The following NAV3 variants were observed in gnomAD, a reference collection of about 807,000 sequenced individuals.
The protein encoded by NAV3 is neuron navigator 3, also known as pore membrane and/or filament interacting like protein 1.
NAV3 carries 87 observed loss-of-function variants against 244.7 expected under a neutral mutation model. The ratio of observed to expected loss-of-function variants is 0.36; its 90% CI spans 0.30 to 0.42. NAV3 has a LOEUF of 0.42. Ranked by LOEUF, NAV3 falls within the 20% of genes least tolerant of loss-of-function variation. The pLI is 1.00. For synonymous variants in NAV3, 1,126 were observed against 1,042.2 expected, an observed-to-expected ratio of 1.08 and a Z score of -1.55; for missense variants, 2,663 against 2,893.3, an observed-to-expected ratio of 0.92 and a Z score of 1.83.
At chr12:78,145,820 G>T (rs1956841904) in intron 20 of NAV3, among the ~76,000 whole-genome samples, 1 of 152,112 alleles carries the variant, frequency 6.6e-6, no homozygotes. Flanking sequence ...ATTAAAGAAA[G>T]AAAAAGTAGA....
chr12:77,759,752 G>A (rs1437020832), intron 2 of NAV3, among the ~76,000 whole-genome samples: 1 of 135,192 alleles, frequency 7.4e-6, no homozygotes, highest in Non-Finnish European at 1.6e-5. Flanking sequence ...GGTGAAGACG[G>A]TCTGATTTTT....
chr12:77,937,993 C>T (rs1889487499), intron 1 of NAV3, among the ~76,000 whole-genome samples: 2 of 152,076 alleles, frequency 1.3e-5, no homozygotes, highest in South Asian at 4.1e-4. Context: ...CAAGAGGAAT[C>T]TGAAGGTTAA....
At chr12:78,050,685 G>T (rs2137240288) in intron 10 of NAV3, 79 bp from the exon 11 acceptor site, 1 of 1,450,248 alleles carries the variant, frequency 6.9e-7, no homozygotes, top group East Asian at 2.3e-5. Context: ...CTCAACTCCA[G>T]CCTTTTCTGT....
intron 2 of NAV3, among the ~76,000 whole-genome samples, chr12:77,682,854 T>C (rs1188404739): frequency 1.3e-5 from 2 of 152,156 alleles, no homozygotes; most frequent in African/African-American, 4.8e-5. Flanking sequence ...AATTGTATTA[T>C]TTGTTTTGTT....
At chr12:78,067,942 G>C (rs1885216892) in intron 12 of NAV3, among the ~76,000 whole-genome samples, 1 of 151,744 alleles carries the variant, frequency 6.6e-6, no homozygotes, top group Non-Finnish European at 1.5e-5. Context: ...TAAACATATT[G>C]AGAAGAAGAA....
intron 2 of NAV3, among the ~76,000 whole-genome samples, chr12:77,755,575 T>TCCC (rs1302437086): frequency 3.6e-5 from 1 of 27,820 alleles, no homozygotes. Flanking sequence ...TTCCTTTCCT[T>TCCC]TCCTTTCCTC....
At chr12:77,911,613 A>T (rs1325160666) in intron 1 of NAV3, among the ~76,000 whole-genome samples, 1 of 152,114 alleles carries the variant, frequency 6.6e-6, no homozygotes, top group Non-Finnish European at 1.5e-5. Context: ...TTAATTTTTT[A>T]ACTTAAAAAT....
At chr12:78,144,167 T>C (rs572056364) in intron 20 of NAV3, among the ~76,000 whole-genome samples, 13 of 152,338 alleles carry the variant, frequency 8.5e-5, no homozygotes, top group African/African-American at 3.1e-4. Flanking sequence ...GAATTCTAAA[T>C]TGTATTTTTT....
chr12:77,665,247 G>T (rs1332242976), intron 2 of NAV3, among the ~76,000 whole-genome samples: 1 of 152,088 alleles, frequency 6.6e-6, no homozygotes, highest in Non-Finnish European at 1.5e-5. Flanking sequence ...GATCCCCTAA[G>T]CTCAGTCAAG....
chr12:78,187,950 C>T (rs565538914), intron 31 of NAV3, among the ~76,000 whole-genome samples: 26 of 152,018 alleles, frequency 1.7e-4, no homozygotes, highest in Admixed American at 1.3e-3. Context: ...GATTCCTTCA[C>T]CTTTGCCTTC....
At chr12:77,627,986 G>A (rs1339108223) in intron 2 of NAV3, among the ~76,000 whole-genome samples, 1 of 152,184 alleles carries the variant, frequency 6.6e-6, no homozygotes, top group Non-Finnish European at 1.5e-5. Context: ...GAGGTAGAAA[G>A]TGGAATAATG....
chr12:78,063,635 T>C (rs751972019), intron 12 of NAV3, among the ~76,000 whole-genome samples: 25 of 152,282 alleles, frequency 1.6e-4, no homozygotes, highest in South Asian at 4.1e-4. Flanking sequence ...TAGATGTCTA[T>C]ACAATGTGCC....
intron 1 of NAV3, among the ~76,000 whole-genome samples, chr12:77,872,499 G>T (rs1450791866): frequency 6.6e-6 from 1 of 152,172 alleles, no homozygotes; most frequent in East Asian, 1.9e-4. Flanking sequence ...GGTGTTTGGG[G>T]AAGGCCATGG....
intron 31 of NAV3, among the ~76,000 whole-genome samples, chr12:78,187,873 C>G (rs1214759326): frequency 1.3e-5 from 2 of 151,864 alleles, no homozygotes; most frequent in Non-Finnish European, 2.9e-5. Flanking sequence ...CTCACCATTT[C>G]CCTCCTACCA....
At chr12:77,592,573 T>C (rs906241459) in intron 2 of NAV3, among the ~76,000 whole-genome samples, 1 of 152,184 alleles carries the variant, frequency 6.6e-6, no homozygotes, top group African/African-American at 2.4e-5. Flanking sequence ...CAAGGGGTGA[T>C]TTATTTTTTA....
At chr12:78,190,332 CTTT>C in intron 34 of NAV3, 113 bp downstream of exon 34, 1 of 802,644 alleles carries the variant, frequency 1.2e-6, no homozygotes, top group East Asian at 2.7e-5. Context: ...GAATATCCAT[CTTT>C]TTTTTACTAG....
intron 12 of NAV3, among the ~76,000 whole-genome samples, chr12:78,082,163 C>CT (rs1272059256): frequency 6.6e-6 from 1 of 152,174 alleles, no homozygotes; most frequent in Non-Finnish European, 1.5e-5. Flanking sequence ...GGCTTTGCTC[C>CT]TCCTTGCTTT....
At chr12:77,913,790 C>T (rs1886856109) in intron 1 of NAV3, among the ~76,000 whole-genome samples, 1 of 152,070 alleles carries the variant, frequency 6.6e-6, no homozygotes, top group Non-Finnish European at 1.5e-5. Context: ...TTACATAATT[C>T]TTAGCTTGTG....
chr12:78,107,067 T>A (rs1954839056), intron 12 of NAV3, among the ~76,000 whole-genome samples: 1 of 152,178 alleles, frequency 6.6e-6, no homozygotes, highest in Non-Finnish European at 1.5e-5. Context: ...AATTTTCCCA[T>A]ATGAAAGCGA....
Sources: allele counts gnomAD v4.1 joint callset (sites outside exome capture counted in the v4.1 genomes callset), GRCh38; gene constraint gnomAD v4.1.1; transcripts MANE v1.5; gene names NCBI Gene and HGNC (gene_info 2026-07-23, HGNC 2026-07-21).